The following SLC1A7 variants were observed in gnomAD, a reference collection of about 807,000 sequenced individuals.
SLC1A7 encodes solute carrier family 1 member 7.
Under a neutral mutation model 47.7 loss-of-function variants are expected in SLC1A7, and 40 were observed. The observed-to-expected ratio is 0.84, with a 90% CI of 0.65 to 1.09. The LOEUF is 1.09. Among genes scored for constraint, SLC1A7 ranks in the 50% least tolerant of loss-of-function variants. The pLI is 0.00. For synonymous variants in SLC1A7, 323 were observed against 325.6 expected (o/e 0.99, Z 0.09); for missense variants, 746 against 769.5 (o/e 0.97, Z 0.36).
At chr1:53,136,131 C>T (rs34866302) in intron 1 of SLC1A7, among the ~76,000 whole-genome samples, 34,401 of 142,882 alleles carry the variant, frequency 0.24, 4,492 homozygotes, top group Admixed American at 0.37. Context: ...GAAATATGCC[C>T]ATCATGACTC....
At chr1:53,118,229 C>G (rs1002390492) in intron 2 of SLC1A7, among the ~76,000 whole-genome samples, 6 of 152,256 alleles carry the variant, frequency 3.9e-5, no homozygotes, top group African/African-American at 1.2e-4. Flanking sequence ...TTAAAGGTGA[C>G]TTTTCTGAGA....
chr1:53,089,412 A>G (rs1644395006), intron 9 of SLC1A7, among the ~76,000 whole-genome samples: 1 of 152,116 alleles, frequency 6.6e-6, no homozygotes, highest in African/African-American at 2.4e-5. Context: ...TTACAGGCAC[A>G]TGTCACCAGT....
At chr1:53,133,938 G>A (rs911389121) in intron 2 of SLC1A7, among the ~76,000 whole-genome samples, 2 of 152,272 alleles carry the variant, frequency 1.3e-5, no homozygotes, top group East Asian at 3.9e-4. Flanking sequence ...GCGTAGAGAG[G>A]TGAGGTAATA....
intron 5 of SLC1A7, among the ~76,000 whole-genome samples, chr1:53,099,420 ACAC>A (rs1644544161): frequency 6.7e-6 from 1 of 149,156 alleles, no homozygotes; most frequent in Non-Finnish European, 1.5e-5. Flanking sequence ...CAGTACGCTC[ACAC>A]AGCCCGCCTC....
At chr1:53,102,648 C>T (rs1644596690) in intron 5 of SLC1A7, 1 of 152,364 alleles carries the variant, frequency 6.6e-6, no homozygotes, top group African/African-American at 2.4e-5. Flanking sequence ...GACTTGTGAC[C>T]TCCTGAGCTG....
At chr1:53,136,365 G>A (rs1474305301) in intron 1 of SLC1A7, among the ~76,000 whole-genome samples, 1 of 147,214 alleles carries the variant, frequency 6.8e-6, no homozygotes, top group Non-Finnish European at 1.5e-5. Context: ...GGCTAAATTT[G>A]TGTATTTTAG....
Position 53,142,334 on chromosome 1 carries a change from G to T in SLC1A7, c.116C>A (p.Thr39Asn), listed in dbSNP as rs1297803287. Residue 39 changes from threonine to asparagine, a missense_variant, in exon 1 of 11, where the codon ACC becomes AAC. Coordinates refer to ENST00000371494, the MANE Select transcript of SLC1A7 (RefSeq NM_006671.6). Reference sequence around the variant, plus strand: ...GCTGACCTGTGGTGAGAGGCGCCGGGTCCTCAAGAAGAAGCCGAGGAGGCA... The same window carrying T: ...GCTGACCTGTGGTGAGAGGCGCCGGTTCCTCAAGAAGAAGCCGAGGAGGCA... ...VGCLLGFFLR[T>N]RRLSPQEISY... is the part of the protein sequence containing the mutation. 4 of 1,565,874 alleles carry T rather than the reference G, an allele frequency of 2.6e-6. No homozygotes were observed. The highest frequency in any genetic ancestry group is 1.9e-5 in the Admixed American group (1 of 52,904).
chr1:53,113,559 C>T (rs1039852151), intron 3 of SLC1A7, among the ~76,000 whole-genome samples: 2 of 152,074 alleles, frequency 1.3e-5, no homozygotes, highest in African/African-American at 4.8e-5. Flanking sequence ...CTAAGGATCC[C>T]TCCTGAGCAG....
At chr1:53,141,229 AT>A (rs1188924589) in intron 1 of SLC1A7, among the ~76,000 whole-genome samples, 1 of 152,072 alleles carries the variant, frequency 6.6e-6, no homozygotes, top group African/African-American at 2.4e-5. Flanking sequence ...CAAATTCCTC[AT>A]CCCAGATCAA....
intron 2 of SLC1A7, among the ~76,000 whole-genome samples, chr1:53,119,227 T>C (rs1009830975): frequency 5.9e-5 from 9 of 152,084 alleles, no homozygotes; most frequent in Non-Finnish European, 1.0e-4. Flanking sequence ...AATGTCAAGA[T>C]TGGAACAGGG....
chr1:53,121,830 G>A (rs948875707), intron 2 of SLC1A7, among the ~76,000 whole-genome samples: 5 of 152,218 alleles, frequency 3.3e-5, no homozygotes, highest in Non-Finnish European at 4.4e-5. Context: ...CACCTGGGAC[G>A]CGGGGCTGCC....
chr1:53,103,738 CAAAG>C (rs1644610158), intron 4 of SLC1A7, 170 bp from the exon 5 acceptor site: 1 of 528,980 alleles, frequency 1.9e-6, no homozygotes. Flanking sequence ...ATATTTTACC[CAAAG>C]AAAGCTGCAA....
intron 3 of SLC1A7, among the ~76,000 whole-genome samples, chr1:53,109,160 C>T (rs1644676283): frequency 6.6e-6 from 1 of 152,034 alleles, no homozygotes; most frequent in African/African-American, 2.4e-5. Flanking sequence ...TCACCTGCTA[C>T]TTGCAAATTC....
intron 1 of SLC1A7, among the ~76,000 whole-genome samples, chr1:53,138,780 C>T (rs773268986): frequency 1.3e-5 from 2 of 152,142 alleles, no homozygotes; most frequent in Non-Finnish European, 2.9e-5. Context: ...TCCAACACTT[C>T]GAGTATTTAT....
intron 1 of SLC1A7, among the ~76,000 whole-genome samples, chr1:53,135,913 G>T (rs932262762): frequency 6.6e-6 from 1 of 151,708 alleles, no homozygotes. Context: ...AAACATACTC[G>T]GTTGATGATC....
intron 3 of SLC1A7, among the ~76,000 whole-genome samples, chr1:53,111,785 G>A (rs953769159): frequency 1.3e-5 from 2 of 152,206 alleles, no homozygotes; most frequent in Non-Finnish European, 2.9e-5. Context: ...AAATTCGGAA[G>A]TGCCAGAGTC....
chr1:53,104,195 T>C (rs549185827), intron 4 of SLC1A7, among the ~76,000 whole-genome samples: 1 of 152,300 alleles, frequency 6.6e-6, no homozygotes, highest in African/African-American at 2.4e-5. Context: ...TCAGGAAACA[T>C]ATGAGACCTG....
At chr1:53,096,502 CG>C in intron 5 of SLC1A7, among the ~76,000 whole-genome samples, 1 of 151,058 alleles carries the variant, frequency 6.6e-6, no homozygotes, top group African/African-American at 2.4e-5. Context: ...CACTCCACCT[CG>C]GTACACTCAC....
chr1:53,136,659 T>C (rs1202565415), intron 1 of SLC1A7, among the ~76,000 whole-genome samples: 11 of 39,702 alleles, frequency 2.8e-4, no homozygotes, highest in Non-Finnish European at 2.5e-4. Flanking sequence ...ATATTATATA[T>C]ATATATATTT....
Sources: gnomAD v4.1 joint callset for allele counts (sites outside exome capture counted in the v4.1 genomes callset) on GRCh38, gnomAD v4.1.1 for gene constraint, MANE v1.5 for transcripts, NCBI Gene and HGNC (gene_info 2026-07-23, HGNC 2026-07-21) for gene names.